ZNF600: variants seen among roughly 807,000 people sequenced by gnomAD.
ZNF600 encodes zinc finger protein 600, also known as zinc finger protein KR-ZNF1.
In ZNF600, 4 loss-of-function variants were observed where a neutral mutation model predicts 7.3. That is an observed-to-expected ratio of 0.55 (90% confidence interval 0.27 to 1.25). The LOEUF (loss-of-function observed/expected upper bound fraction) is 1.25. Among genes scored for constraint, ZNF600 ranks in the 50% most tolerant of loss-of-function variants. ZNF600 has a pLI of 0.12. For missense variants in ZNF600, 911 were observed against 922.1 expected, an observed-to-expected ratio of 0.99 and a Z score of 0.16; for synonymous variants, 290 against 308.9, an observed-to-expected ratio of 0.94 and a Z score of 0.64.
At chr19:52,809,631 G>C in the ZNF600 span, among the ~76,000 whole-genome samples, 1 of 152,060 alleles carries the variant, frequency 6.6e-6, no homozygotes, top group Non-Finnish European at 1.5e-5. Flanking sequence ...GATAATGAAA[G>C]CCCTTCTCTA....
chr19:52,829,908 C>T, the ZNF600 span, among the ~76,000 whole-genome samples: 50 of 152,240 alleles, frequency 3.3e-4, no homozygotes, highest in Admixed American at 9.2e-4. Flanking sequence ...TCTTATTACA[C>T]AAAGGCAGTT....
upstream of ZNF600, chr19:52,786,878 G>A (rs1305624126): frequency 5.0e-6 from 1 of 200,568 alleles, no homozygotes; most frequent in African/African-American, 2.3e-5. Context: ...AGAACCGGCA[G>A]AGGGAGGGCC....
At chr19:52,833,238 C>T in the ZNF600 span, among the ~76,000 whole-genome samples, 49,438 of 152,130 alleles carry the variant, frequency 0.32, 10,420 homozygotes, top group African/African-American at 0.6. Flanking sequence ...GACATCCAGA[C>T]ATGACCCTTG....
At chr19:52,816,832 G>GAAA in the ZNF600 span, among the ~76,000 whole-genome samples, 1 of 93,010 alleles carries the variant, frequency 1.1e-5, no homozygotes. Flanking sequence ...CTCCGTTTCA[G>GAAA]AAAATAATAA....
At chr19:52,822,058 TTTC>T in the ZNF600 span, among the ~76,000 whole-genome samples, 3 of 149,384 alleles carry the variant, frequency 2.0e-5, no homozygotes, top group Non-Finnish European at 4.4e-5. Context: ...TTTACATTTT[TTTC>T]TTTTCTTTTT....
chr19:52,807,698 C>G, the ZNF600 span, among the ~76,000 whole-genome samples: 6 of 152,070 alleles, frequency 3.9e-5, no homozygotes, highest in Non-Finnish European at 7.4e-5. Flanking sequence ...TGGTTTTGAA[C>G]TCCTCACCCA....
intron 1 of ZNF600, among the ~76,000 whole-genome samples, chr19:52,783,169 G>T (rs1424416464): frequency 2.0e-5 from 3 of 151,888 alleles, no homozygotes; most frequent in South Asian, 2.1e-4. Context: ...ATTATAAAAT[G>T]CACCACACTT....
At chr19:52,788,900 A>G (rs1305708058), upstream of ZNF600, among the ~76,000 whole-genome samples, 2 of 152,260 alleles carry the variant, frequency 1.3e-5, no homozygotes, top group Admixed American at 1.3e-4. Flanking sequence ...AAATGCCTGA[A>G]AACCCTAATG....
chr19:52,817,949 G>A, the ZNF600 span: 1 of 1,610,764 alleles, frequency 6.2e-7, no homozygotes, highest in South Asian at 1.1e-5. Context: ...CTCACCTGAG[G>A]AAGAGCCATC....
chr19:52,804,516 G>A, the ZNF600 span, among the ~76,000 whole-genome samples: 5 of 151,416 alleles, frequency 3.3e-5, no homozygotes, highest in East Asian at 1.9e-4. Context: ...GATTACAGGC[G>A]CACGCCACCA....
intron 3 of ZNF600, among the ~76,000 whole-genome samples, chr19:52,772,146 C>A (rs1174354153): frequency 1.3e-5 from 2 of 152,138 alleles, no homozygotes; most frequent in African/African-American, 4.8e-5. Flanking sequence ...AACCCCATGT[C>A]TACTAAAATT....
chr19:52,812,874 T>TA, the ZNF600 span, among the ~76,000 whole-genome samples: 1 of 150,290 alleles, frequency 6.7e-6, no homozygotes. Flanking sequence ...CTGATTACTA[T>TA]AGTTTTAAGG....
the ZNF600 span, chr19:52,805,935 G>C: frequency 6.6e-6 from 1 of 152,056 alleles, no homozygotes; most frequent in African/African-American, 2.4e-5. Flanking sequence ...AGCTGAGATC[G>C]CAGCATCGTA....
At chr19:52,811,211 T>C in the ZNF600 span, among the ~76,000 whole-genome samples, 12 of 151,062 alleles carry the variant, frequency 7.9e-5, no homozygotes, top group Middle Eastern at 6.9e-3. Context: ...GTGCCCAGGC[T>C]GGAGTGCAGC....
At chr19:52,831,944 C>T in the ZNF600 span, among the ~76,000 whole-genome samples, 1 of 152,152 alleles carries the variant, frequency 6.6e-6, no homozygotes, top group African/African-American at 2.4e-5. Context: ...TTACTATTAA[C>T]TCATTATTGT....
At chr19:52,799,472 T>A in the ZNF600 span, 49 of 916,128 alleles carry the variant, frequency 5.3e-5, no homozygotes, top group African/African-American at 6.8e-4. Context: ...TATGATGACG[T>A]GCAAGGGTTG....
At chr19:52,781,506 C>G (rs999156852) in intron 1 of ZNF600, 42 bp from the exon 2 acceptor site, 3 of 152,198 alleles carry the variant, frequency 2.0e-5, no homozygotes, top group Non-Finnish European at 4.4e-5. Flanking sequence ...GTGGCTCACC[C>G]TTGTAATCCC....
the ZNF600 span, among the ~76,000 whole-genome samples, chr19:52,820,560 C>T: frequency 4.6e-5 from 7 of 152,172 alleles, no homozygotes; most frequent in Non-Finnish European, 8.8e-5. Context: ...TCTGGCACCC[C>T]AGATCCCCAG....
At chr19:52,786,722 A>G (rs1559239) in exon 1 of ZNF600, 315,263 of 364,310 alleles carry the variant, frequency 0.87, 137,241 homozygotes, top group East Asian at 0.93. Flanking sequence ...AAGGCAGAGC[A>G]AAACTCACGC....
Sources: gnomAD v4.1 joint callset for allele counts (sites outside exome capture counted in the v4.1 genomes callset) on GRCh38, gnomAD v4.1.1 for gene constraint, MANE v1.5 for transcripts, NCBI Gene and HGNC (gene_info 2026-07-23, HGNC 2026-07-21) for gene names.